The following KLHL1 variants were observed in gnomAD, a reference collection of about 807,000 sequenced individuals.
KLHL1 encodes the protein kelch-like protein 1.
A neutral mutation model predicts 77.7 loss-of-function variants in KLHL1; 47 were observed. The observed-to-expected ratio is 0.60, with a 90% CI of 0.48 to 0.77. The LOEUF (loss-of-function observed/expected upper bound fraction) is 0.77. KLHL1 is among the 30% of genes least tolerant of loss of function. The pLI is 0.00. For missense variants in KLHL1, 925 were observed against 910.8 expected (o/e 1.02, Z -0.20); for synonymous variants, 360 against 325.2 (o/e 1.11, Z -1.15).
chr13:69,923,513 T>C (rs1242286107), intron 4 of KLHL1, among the ~76,000 whole-genome samples: 2 of 152,168 alleles, frequency 1.3e-5, no homozygotes, highest in African/African-American at 2.4e-5. Flanking sequence ...TTAAGATGCT[T>C]TTATTTATAC....
intron 3 of KLHL1, among the ~76,000 whole-genome samples, chr13:69,950,022 T>C (rs1156936561): frequency 4.0e-5 from 6 of 151,696 alleles, no homozygotes; most frequent in Non-Finnish European, 8.9e-5. Context: ...TGAAATTCTA[T>C]AATCCTAGAG....
chr13:69,712,188 A>G (rs1875907226), intron 9 of KLHL1, among the ~76,000 whole-genome samples: 1 of 152,038 alleles, frequency 6.6e-6, no homozygotes, highest in Non-Finnish European at 1.5e-5. Context: ...TATCTTCTGA[A>G]GACATTTTAC....
chr13:69,826,883 ATAT>A (rs1878571331), intron 6 of KLHL1, among the ~76,000 whole-genome samples: 1 of 151,958 alleles, frequency 6.6e-6, no homozygotes, highest in African/African-American at 2.4e-5. Context: ...TAATAAGAAT[ATAT>A]TAATTGAGAC....
chr13:69,983,283 G>T (rs1296182369), intron 1 of KLHL1, among the ~76,000 whole-genome samples: 2 of 151,990 alleles, frequency 1.3e-5, no homozygotes, highest in Non-Finnish European at 2.9e-5. Flanking sequence ...ACAGTGATCT[G>T]CAGATTCAAT....
At chr13:70,048,433 T>C (rs758151401) in intron 1 of KLHL1, among the ~76,000 whole-genome samples, 3 of 152,208 alleles carry the variant, frequency 2.0e-5, no homozygotes, top group Non-Finnish European at 4.4e-5. Context: ...AAGGACATCA[T>C]TCAATATCTA....
At chr13:69,983,589 A>AAAAAAAAAAAAAAAAAAAAAAAAAAAAAG (rs1216543322) in intron 1 of KLHL1, among the ~76,000 whole-genome samples, 13 of 132,206 alleles carry the variant, frequency 9.8e-5, no homozygotes, top group African/African-American at 3.3e-4. Context: ...AAAAAAAAAA[A>AAAAAAAAAAAAAAAAAAAAAAAAAAAAAG]AAGAAGAAGA....
At chr13:69,903,345 A>C (rs1446543249) in intron 4 of KLHL1, among the ~76,000 whole-genome samples, 1 of 152,120 alleles carries the variant, frequency 6.6e-6, no homozygotes, top group African/African-American at 2.4e-5. Context: ...AACCAATTCC[A>C]GCTCATTTAA....
intron 4 of KLHL1, among the ~76,000 whole-genome samples, chr13:69,907,242 T>C (rs1882073453): frequency 6.6e-6 from 1 of 151,968 alleles, no homozygotes; most frequent in Non-Finnish European, 1.5e-5. Flanking sequence ...AATAAATATA[T>C]CACCATTTTA....
chr13:69,715,690 A>G (rs1302882154), intron 9 of KLHL1, among the ~76,000 whole-genome samples: 1 of 152,062 alleles, frequency 6.6e-6, no homozygotes, highest in Non-Finnish European at 1.5e-5. Context: ...TTGCTCACCA[A>G]TAGCAAACAT....
At chr13:69,808,496 A>G (rs1593850623) in intron 6 of KLHL1, among the ~76,000 whole-genome samples, 2 of 152,332 alleles carry the variant, frequency 1.3e-5, no homozygotes, top group East Asian at 1.9e-4. Context: ...AATGAAGTCA[A>G]TAAATGAAAC....
At chr13:69,798,899 C>T (rs546170009) in intron 6 of KLHL1, among the ~76,000 whole-genome samples, 16 of 151,942 alleles carry the variant, frequency 1.1e-4, no homozygotes, top group Middle Eastern at 3.4e-3. Context: ...TGTCGAAACC[C>T]CATCTCCACT....
chr13:69,970,187 C>A (rs1884339243), intron 2 of KLHL1, among the ~76,000 whole-genome samples: 1 of 152,090 alleles, frequency 6.6e-6, no homozygotes, highest in Admixed American at 6.6e-5. Context: ...ACTATTTTTA[C>A]GGTGGTTGTA....
intron 7 of KLHL1, among the ~76,000 whole-genome samples, chr13:69,761,722 G>C (rs1832999978): frequency 6.6e-6 from 1 of 152,072 alleles, no homozygotes; most frequent in African/African-American, 2.4e-5. Flanking sequence ...AAACAAAATT[G>C]GTCCTTGAAA....
chr13:70,043,447 C>A (rs1371369573), intron 1 of KLHL1, among the ~76,000 whole-genome samples: 1 of 152,100 alleles, frequency 6.6e-6, no homozygotes, highest in Non-Finnish European at 1.5e-5. Context: ...CCAAAACATA[C>A]AGCGTTTATA....
chr13:69,949,546 T>C (rs1345987614), intron 3 of KLHL1, among the ~76,000 whole-genome samples: 3 of 151,796 alleles, frequency 2.0e-5, no homozygotes, highest in Non-Finnish European at 4.4e-5. Flanking sequence ...GTAATGTTAT[T>C]CTTTAGTACC....
chr13:69,802,780 A>G (rs566998693), intron 6 of KLHL1, among the ~76,000 whole-genome samples: 1 of 152,116 alleles, frequency 6.6e-6, no homozygotes, highest in African/African-American at 2.4e-5. Context: ...TCAGTCAGGG[A>G]GCTCGGCTCT....
chr13:69,846,451 T>C (rs973504536), intron 5 of KLHL1, among the ~76,000 whole-genome samples: 48 of 151,614 alleles, frequency 3.2e-4, no homozygotes, highest in African/African-American at 1.1e-3. Flanking sequence ...CTAGAACTTT[T>C]GACAACGAAT....
chr13:69,847,085 T>C (rs1327224537), intron 5 of KLHL1, among the ~76,000 whole-genome samples: 1 of 151,476 alleles, frequency 6.6e-6, no homozygotes, highest in Non-Finnish European at 1.5e-5. Flanking sequence ...GTCATGATTC[T>C]CTGCACTATA....
chr13:69,936,764 G>A (rs899841061), intron 4 of KLHL1, among the ~76,000 whole-genome samples: 6 of 151,970 alleles, frequency 3.9e-5, no homozygotes, highest in African/African-American at 1.5e-4. Flanking sequence ...GGTCAGGGAA[G>A]TTTCTACTGA....
Sources: allele counts gnomAD v4.1 joint callset (sites outside exome capture counted in the v4.1 genomes callset), GRCh38; gene constraint gnomAD v4.1.1; transcripts MANE v1.5; gene names NCBI Gene and HGNC (gene_info 2026-07-23, HGNC 2026-07-21).